LMO7: variants seen among roughly 807,000 people sequenced by gnomAD.
LMO7 encodes the protein LIM domain 7.
Under a neutral mutation model 206.5 loss-of-function variants are expected in LMO7, and 120 were observed. The observed-to-expected ratio is 0.58, with a 90% confidence interval of 0.50 to 0.68. The LOEUF is 0.68. Ranked by LOEUF, LMO7 falls within the 30% of genes least tolerant of loss-of-function variation. The pLI, the probability that LMO7 is intolerant of heterozygous loss-of-function variation, is 0.00. For missense variants in LMO7, 1,959 were observed against 1,957.9 expected, an observed-to-expected ratio of 1.00 and a Z score of -0.01; for synonymous variants, 706 against 681.5, an observed-to-expected ratio of 1.04 and a Z score of -0.56.
At chr13:75,725,641 C>T (rs1359863415) in intron 2 of LMO7, among the ~76,000 whole-genome samples, 1 of 151,974 alleles carries the variant, frequency 6.6e-6, no homozygotes, top group African/African-American at 2.4e-5. Flanking sequence ...ATCATGTGGA[C>T]ATGAAGGGAG....
chr13:75,645,828 G>T (rs1566270210), intron 1 of LMO7, among the ~76,000 whole-genome samples: 1 of 151,982 alleles, frequency 6.6e-6, no homozygotes, highest in Admixed American at 6.5e-5. Flanking sequence ...CCTAATTATT[G>T]TTCATCAGTG....
chr13:75,662,422 G>A (rs1049124357), intron 1 of LMO7, among the ~76,000 whole-genome samples: 1 of 152,168 alleles, frequency 6.6e-6, no homozygotes, highest in Non-Finnish European at 1.5e-5. Context: ...AGAGTCAAGC[G>A]ATCCTCCCAC....
intron 2 of LMO7, among the ~76,000 whole-genome samples, chr13:75,630,827 T>C (rs2034834398): frequency 6.6e-6 from 1 of 152,160 alleles, no homozygotes; most frequent in African/African-American, 2.4e-5. Context: ...TTTTTCTTTT[T>C]GTATTTTTAG....
At chr13:75,739,569 A>G (rs2046249984) in intron 3 of LMO7, among the ~76,000 whole-genome samples, 1 of 152,190 alleles carries the variant, frequency 6.6e-6, no homozygotes, top group Non-Finnish European at 1.5e-5. Flanking sequence ...TATTTTCTGG[A>G]AAGTTTTTAT....
At chr13:75,697,535 C>A (rs1432386114) in intron 1 of LMO7, among the ~76,000 whole-genome samples, 2 of 152,202 alleles carry the variant, frequency 1.3e-5, no homozygotes, top group African/African-American at 4.8e-5. Flanking sequence ...AATTATCTCC[C>A]ACTGGGTCCC....
At chr13:75,629,843 C>T (rs768111183) in intron 2 of LMO7, among the ~76,000 whole-genome samples, 1 of 152,020 alleles carries the variant, frequency 6.6e-6, no homozygotes, top group Non-Finnish European at 1.5e-5. Flanking sequence ...GCATGAGAGA[C>T]CAAAAAGTCG....
intron 4 of LMO7, among the ~76,000 whole-genome samples, chr13:75,774,424 A>G (rs937671215): frequency 2.0e-5 from 3 of 152,096 alleles, no homozygotes; most frequent in African/African-American, 7.2e-5. Flanking sequence ...CAGTTTGTTT[A>G]TCTGTTCACC....
chr13:75,757,087 T>C (rs1229511702), intron 3 of LMO7, among the ~76,000 whole-genome samples: 2 of 152,218 alleles, frequency 1.3e-5, no homozygotes, highest in African/African-American at 4.8e-5. Context: ...AGCTATGTCA[T>C]AAGACATTGC....
chr13:75,808,663 A>G (rs145011329), intron 10 of LMO7, among the ~76,000 whole-genome samples: 1 of 152,352 alleles, frequency 6.6e-6, no homozygotes, highest in East Asian at 1.9e-4. Context: ...GGTTTCTTGG[A>G]CTATCATTTG....
At chr13:75,834,501 T>A in intron 17 of LMO7, 114 bp downstream of exon 17, 2 of 817,522 alleles carry the variant, frequency 2.4e-6, no homozygotes, top group Non-Finnish European at 3.7e-6. Context: ...GTTTTGGCAT[T>A]AAAGGTTTTT....
At chr13:75,690,811 C>T (rs2139627624) in intron 1 of LMO7, among the ~76,000 whole-genome samples, 1 of 152,266 alleles carries the variant, frequency 6.6e-6, no homozygotes, top group Admixed American at 6.5e-5. Context: ...CGTTTGTCTT[C>T]CACATTACTT....
At chr13:75,810,292 C>G (rs1595188100) in intron 11 of LMO7, among the ~76,000 whole-genome samples, 1 of 152,206 alleles carries the variant, frequency 6.6e-6, no homozygotes, top group Non-Finnish European at 1.5e-5. Context: ...GCCTCAGTAG[C>G]TAAGTATCTT....
At position 75,673,476 on chromosome 13, in the gene LMO7, A is replaced by G. The variant is rs74881836; in HGVS notation, c.69+36750A>G. Among the ~76,000 whole-genome samples the G allele has an allele frequency of 5.7e-3, 860 of 152,032 alleles. 15 individuals carry two copies. Among genetic ancestry groups the G allele is most frequent in the African/African-American group, 0.019 (775 of 41,446 alleles). Reference sequence around the variant, plus strand: ...AATCTTACCCTTTCTCTCTTTTCCTATTTGGATGAGGGTGTGAGGAGCAGA... The same window carrying G: ...AATCTTACCCTTTCTCTCTTTTCCTGTTTGGATGAGGGTGTGAGGAGCAGA... On this transcript the variant is annotated intron_variant, in intron 1 of 30. Transcript: ENST00000377534.
chr13:75,645,059 T>C (rs748969757), intron 1 of LMO7, among the ~76,000 whole-genome samples: 2 of 152,238 alleles, frequency 1.3e-5, no homozygotes, highest in Non-Finnish European at 2.9e-5. Flanking sequence ...CATTGAGTTA[T>C]ACTTTGAGCT....
chr13:75,832,467 G>T (rs1485049355), intron 15 of LMO7, among the ~76,000 whole-genome samples: 1 of 152,146 alleles, frequency 6.6e-6, no homozygotes, highest in Non-Finnish European at 1.5e-5. Context: ...TTTGCAGCAT[G>T]TAGAGCAGCT....
Position 75,700,718 on chromosome 13 carries a change from A to G in LMO7, c.70-12464A>G, listed in dbSNP as rs774250015. ...TCTGCAAACCAAGAAGACTGCTAAG[A>G]GACTCATGGGCAGGGAGCACATGCA... On this transcript the variant is annotated intron_variant, in intron 1 of 30. Coordinates refer to ENST00000377534, the MANE Select transcript of LMO7 (RefSeq NM_001306080.2). Among the ~76,000 whole-genome samples, 8 of 152,386 alleles carry G rather than the reference A, an allele frequency of 5.2e-5. No homozygotes were observed. The East Asian group carries it at 1.4e-3, about 26-fold the overall frequency.
intron 15 of LMO7, among the ~76,000 whole-genome samples, chr13:75,831,665 C>G (rs2058680161): frequency 6.6e-6 from 1 of 152,054 alleles, no homozygotes; most frequent in Non-Finnish European, 1.5e-5. Flanking sequence ...TGCAGAGACC[C>G]AAAACAAGGC....
intron 1 of LMO7, among the ~76,000 whole-genome samples, chr13:75,680,704 A>G (rs2040406765): frequency 6.6e-6 from 1 of 151,950 alleles, no homozygotes; most frequent in African/African-American, 2.4e-5. Context: ...ATTTCTCCTA[A>G]TGCTATCCCT....
At chr13:75,702,738 A>G (rs934512224) in intron 1 of LMO7, among the ~76,000 whole-genome samples, 54 of 152,362 alleles carry the variant, frequency 3.5e-4, no homozygotes, top group African/African-American at 1.2e-3. Context: ...GCTTCATTTT[A>G]CTTTTTATAT....
Sources: gnomAD v4.1 joint callset for allele counts (sites outside exome capture counted in the v4.1 genomes callset) on GRCh38, gnomAD v4.1.1 for gene constraint, MANE v1.5 for transcripts, NCBI Gene and HGNC (gene_info 2026-07-23, HGNC 2026-07-21) for gene names.